CMTM8: variants seen among roughly 807,000 people sequenced by gnomAD.
The protein encoded by CMTM8 is CKLF like MARVEL transmembrane domain containing 8, also known as CKLF-like MARVEL transmembrane domain-containing protein 8.
CMTM8 carries 12 observed loss-of-function variants against 18.6 expected under a neutral mutation model. The observed-to-expected ratio is 0.65, with a 90% CI of 0.41 to 1.05. The LOEUF is 1.05. CMTM8 is among the 50% of genes least tolerant of loss of function. The pLI is 0.00. For missense variants in CMTM8, 217 were observed against 227.2 expected (o/e 0.95, Z 0.29); for synonymous variants, 87 against 90.6 (o/e 0.96, Z 0.23).
rs1350130022 is a variant in CMTM8, at chr3:32,361,285, A to AGTTTTTTTTTTGTTTTTTTT, written c.321+3749_321+3750insTGTTTTTTTTGTTTTTTTTT. Among the ~76,000 whole-genome samples, 3 of 23,926 alleles carry AGTTTTTTTTTTGTTTTTTTT rather than the reference A, an allele frequency of 1.3e-4. 1 individual carries two copies. The highest frequency in any genetic ancestry group is 7.6e-4 in the Admixed American group (1 of 1,318). The allele number at this position is 23,926 out of a possible 152,430, so 15.7% of individuals were successfully genotyped here. On this transcript the variant is annotated intron_variant, in intron 2 of 3. Transcript: ENST00000307526. The stretch of plus-strand genomic sequence containing the variant: ...TGTGAGCCACGGCGCCCAGCCTAAG[A>AGTTTTTTTTTTGTTTTTTTT]GTTTTTTTTTCTTTCAAATTTTGGA...
chr3:32,286,678 T>A (rs1361189123), intron 1 of CMTM8, among the ~76,000 whole-genome samples: 1 of 152,184 alleles, frequency 6.6e-6, no homozygotes, highest in East Asian at 1.9e-4. Flanking sequence ...CTGTCCAATC[T>A]TTTGGCTCCC....
chr3:32,275,762 G>T (rs916566120), intron 1 of CMTM8, among the ~76,000 whole-genome samples: 1 of 145,806 alleles, frequency 6.9e-6, no homozygotes, highest in Non-Finnish European at 1.5e-5. Flanking sequence ...CAATTCTCAC[G>T]CCTCAGCCTC....
At chr3:32,359,917 G>A (rs558298485) in intron 2 of CMTM8, among the ~76,000 whole-genome samples, 25 of 152,232 alleles carry the variant, frequency 1.6e-4, no homozygotes, top group East Asian at 1.5e-3. Flanking sequence ...CACAGCAGGG[G>A]TCCACATCTC....
chr3:32,315,773 G>A (rs1031587316), intron 1 of CMTM8, among the ~76,000 whole-genome samples: 1 of 152,166 alleles, frequency 6.6e-6, no homozygotes, highest in Non-Finnish European at 1.5e-5. Flanking sequence ...TTATGGAGCA[G>A]ATGGCATATT....
At chr3:32,249,968 C>T (rs1357656624) in intron 1 of CMTM8, among the ~76,000 whole-genome samples, 1 of 152,134 alleles carries the variant, frequency 6.6e-6, no homozygotes, top group Non-Finnish European at 1.5e-5. Context: ...AATCCAGGGT[C>T]ACAAAGATAT....
intron 1 of CMTM8, among the ~76,000 whole-genome samples, chr3:32,302,930 G>T (rs539434057): frequency 6.6e-6 from 1 of 152,234 alleles, no homozygotes; most frequent in Non-Finnish European, 1.5e-5. Context: ...GTTGTCTTTG[G>T]AGAGAGACCT....
chr3:32,307,852 G>A (rs974221029), intron 1 of CMTM8, among the ~76,000 whole-genome samples: 9 of 152,184 alleles, frequency 5.9e-5, no homozygotes, highest in African/African-American at 2.2e-4. Flanking sequence ...TTGCTGGTCT[G>A]GGACCACACT....
intron 1 of CMTM8, among the ~76,000 whole-genome samples, chr3:32,276,826 G>A (rs1702526825): frequency 6.6e-6 from 1 of 152,112 alleles, no homozygotes; most frequent in Non-Finnish European, 1.5e-5. Flanking sequence ...ATCAAACTGA[G>A]GGATGCCTTT....
chr3:32,321,880 G>A (rs986440199), intron 1 of CMTM8, among the ~76,000 whole-genome samples: 11 of 152,222 alleles, frequency 7.2e-5, no homozygotes, highest in African/African-American at 1.4e-4. Flanking sequence ...AGTTACAGGC[G>A]TGAGCCATGG....
intron 1 of CMTM8, among the ~76,000 whole-genome samples, chr3:32,315,207 G>A (rs971430645): frequency 3.3e-5 from 5 of 150,320 alleles, no homozygotes; most frequent in Non-Finnish European, 5.9e-5. Flanking sequence ...TCAGCTCACC[G>A]CAACCTCTGC....
intron 1 of CMTM8, among the ~76,000 whole-genome samples, chr3:32,282,066 G>C (rs932025310): frequency 2.0e-5 from 3 of 152,066 alleles, no homozygotes; most frequent in Non-Finnish European, 4.4e-5. Context: ...CCCCAGCCTA[G>C]ACTTCTCCCC....
chr3:32,329,842 G>A (rs1210636899), intron 1 of CMTM8, among the ~76,000 whole-genome samples: 2 of 152,108 alleles, frequency 1.3e-5, no homozygotes, highest in African/African-American at 4.8e-5. Context: ...GACCTAGTAC[G>A]TAGGAAACAC....
intron 1 of CMTM8, among the ~76,000 whole-genome samples, chr3:32,301,274 T>C (rs1695610879): frequency 6.6e-6 from 1 of 152,128 alleles, no homozygotes; most frequent in Admixed American, 6.5e-5. Flanking sequence ...TCTGCTTAAG[T>C]TGACAAACTC....
chr3:32,285,147 G>A (rs1702659464), intron 1 of CMTM8, among the ~76,000 whole-genome samples: 1 of 152,016 alleles, frequency 6.6e-6, no homozygotes, highest in Non-Finnish European at 1.5e-5. Flanking sequence ...GTTCAATTTG[G>A]GATTATGTAA....
At chr3:32,266,223 G>A (rs1000706475) in intron 1 of CMTM8, among the ~76,000 whole-genome samples, 54 of 152,176 alleles carry the variant, frequency 3.5e-4, no homozygotes, top group African/African-American at 1.2e-3. Context: ...CTGGCAAACC[G>A]AATCCAGCAA....
chr3:32,255,530 C>T (rs575284932), intron 1 of CMTM8, among the ~76,000 whole-genome samples: 91 of 152,126 alleles, frequency 6.0e-4, no homozygotes, highest in Non-Finnish European at 1.1e-3. Flanking sequence ...TTTTTTGTGT[C>T]ACGTACTTTC....
At chr3:32,365,990 G>A (rs10510655) in intron 2 of CMTM8, among the ~76,000 whole-genome samples, 8,996 of 151,900 alleles carry the variant, frequency 0.059, 300 homozygotes, top group South Asian at 0.11. Context: ...CCTTTATGAC[G>A]ATCCTGGTTT....
chr3:32,273,129 ATGTGTGTG>A (rs60162265), intron 1 of CMTM8, among the ~76,000 whole-genome samples: 39 of 143,026 alleles, frequency 2.7e-4, no homozygotes, highest in African/African-American at 9.5e-4. Flanking sequence ...ATTGGAACAA[ATGTGTGTG>A]TGTGTGTGTG....
chr3:32,245,420 C>T (rs971610834), intron 1 of CMTM8, among the ~76,000 whole-genome samples: 43 of 152,298 alleles, frequency 2.8e-4, no homozygotes, highest in African/African-American at 1.0e-3. Context: ...GAAACCAAAT[C>T]ATGGTAGTTT....
Sources: allele counts gnomAD v4.1 joint callset (sites outside exome capture counted in the v4.1 genomes callset), GRCh38; gene constraint gnomAD v4.1.1; transcripts MANE v1.5; gene names NCBI Gene and HGNC (gene_info 2026-07-23, HGNC 2026-07-21).